Variants in RIMS2 observed in about 807,000 individuals in gnomAD.
RIMS2 encodes regulating synaptic membrane exocytosis protein 2.
RIMS2 carries 59 observed loss-of-function variants against 174.4 expected under a neutral mutation model. The ratio of observed to expected loss-of-function variants is 0.34; its 90% CI spans 0.27 to 0.42. The LOEUF is 0.42. RIMS2 is among the 10% of genes least tolerant of loss of function. The pLI is 1.00. For missense variants in RIMS2, 1,620 were observed against 1,666.3 expected (o/e 0.97, Z 0.48); for synonymous variants, 606 against 572.5 (o/e 1.06, Z -0.84).
chr8:103,604,848 T>C (rs1170605500), intron 1 of RIMS2, among the ~76,000 whole-genome samples: 1 of 85,452 alleles, frequency 1.2e-5, no homozygotes, highest in Non-Finnish European at 2.2e-5. Flanking sequence ...TACATTGATT[T>C]TGTATCCTGA....
intron 1 of RIMS2, among the ~76,000 whole-genome samples, chr8:103,623,794 A>AG (rs1287065519): frequency 0.038 from 5,551 of 147,562 alleles, 294 homozygotes; most frequent in African/African-American, 0.12. Context: ...CGGTCTCTTC[A>AG]TTTTTTTTTT....
Position 104,249,471 on chromosome 8 carries a change from TTCCTTC to T in RIMS2, c.3590-14_3590-9del. On this transcript the variant is annotated splice_polypyrimidine_tract_variant and intron_variant, in intron 21 of 23. Transcript: ENST00000504942. Reference sequence around the variant, plus strand: ...TTGTATATTAAAGCACATTTGTTCCTTCCTTCTTCCATTAGGTGACATTCAGGTAGG... The same window carrying T: ...TTGTATATTAAAGCACATTTGTTCCTTTCCATTAGGTGACATTCAGGTAGG... 1 of 1,445,496 alleles carries T rather than the reference TTCCTTC, an allele frequency of 6.9e-7. No homozygotes were observed. Among genetic ancestry groups the T allele is most frequent in the Non-Finnish European group, 9.7e-7 (1 of 1,027,758 alleles). 89.5% of individuals were successfully genotyped at this position (1,445,496 alleles called of 1,614,324 possible).
chr8:104,238,698 G>A (rs2099271846), intron 19 of RIMS2, among the ~76,000 whole-genome samples: 1 of 151,990 alleles, frequency 6.6e-6, no homozygotes, highest in Admixed American at 6.6e-5. Context: ...CTGCAATAAG[G>A]GAGTGCATAA....
intron 1 of RIMS2, among the ~76,000 whole-genome samples, chr8:103,603,204 G>A (rs1223186270): frequency 7.2e-6 from 1 of 139,826 alleles, no homozygotes; most frequent in Non-Finnish European, 1.5e-5. Flanking sequence ...GTGTCCATGT[G>A]ATCTCATTGT....
chr8:104,224,164 A>G (rs1346940857), intron 19 of RIMS2, among the ~76,000 whole-genome samples: 1 of 152,238 alleles, frequency 6.6e-6, no homozygotes, highest in Non-Finnish European at 1.5e-5. Flanking sequence ...GGACAGAAAT[A>G]CTTGAAAACT....
At chr8:103,713,346 C>T (rs6982815) in intron 2 of RIMS2, among the ~76,000 whole-genome samples, 26,760 of 151,966 alleles carry the variant, frequency 0.18, 2,566 homozygotes, top group African/African-American at 0.23. Context: ...AAGTCCTTTG[C>T]GGTAAATACA....
chr8:103,522,647 A>T (rs750356781), intron 1 of RIMS2, among the ~76,000 whole-genome samples: 1 of 151,794 alleles, frequency 6.6e-6, no homozygotes, highest in Non-Finnish European at 1.5e-5. Flanking sequence ...ATGGTTTCCA[A>T]CTCTTTATTC....
intron 19 of RIMS2, among the ~76,000 whole-genome samples, chr8:104,111,568 C>G (rs1046744467): frequency 6.6e-6 from 1 of 152,036 alleles, no homozygotes; most frequent in Admixed American, 6.6e-5. Context: ...CCACCACGTC[C>G]GGCTACTTTT....
At chr8:104,186,171 T>C (rs917467142) in intron 19 of RIMS2, among the ~76,000 whole-genome samples, 2 of 151,716 alleles carry the variant, frequency 1.3e-5, no homozygotes, top group Non-Finnish European at 2.9e-5. Flanking sequence ...CAGTTATAAA[T>C]GGGAGCTAAC....
At chr8:104,086,498 A>T (rs1184214692) in intron 19 of RIMS2, among the ~76,000 whole-genome samples, 4 of 152,032 alleles carry the variant, frequency 2.6e-5, no homozygotes, top group Non-Finnish European at 5.9e-5. Flanking sequence ...GGAGAAGCTG[A>T]TTACTAATAG....
exon 2 of RIMS2, chr8:103,697,112 A>G (rs369173081): frequency 1.1e-5 from 18 of 1,613,422 alleles, no homozygotes; most frequent in Non-Finnish European, 1.4e-5. Context: ...TTTGAAATGT[A>G]TAAAGAGCAG....
At chr8:104,107,740 C>T (rs1691606623) in intron 19 of RIMS2, among the ~76,000 whole-genome samples, 1 of 152,160 alleles carries the variant, frequency 6.6e-6, no homozygotes, top group Non-Finnish European at 1.5e-5. Flanking sequence ...TTGAGCCCAG[C>T]AGTTCAAGAC....
At chr8:104,186,335 T>C (rs1313138281) in intron 19 of RIMS2, among the ~76,000 whole-genome samples, 1 of 151,732 alleles carries the variant, frequency 6.6e-6, no homozygotes, top group Non-Finnish European at 1.5e-5. Context: ...CTATACAACC[T>C]ATGCATGTAG....
chr8:103,691,359 G>A (rs1426239891), intron 1 of RIMS2, among the ~76,000 whole-genome samples: 1 of 152,082 alleles, frequency 6.6e-6, no homozygotes, highest in African/African-American at 2.4e-5. Context: ...TTGTAGGTGT[G>A]CTTTATTGTT....
At chr8:103,869,601 G>A (rs2154512180) in intron 3 of RIMS2, among the ~76,000 whole-genome samples, 1 of 152,176 alleles carries the variant, frequency 6.6e-6, no homozygotes, top group African/African-American at 2.4e-5. Context: ...GGGATTACAG[G>A]CATGAGCCAC....
At chr8:103,817,214 C>G (rs1356475608) in intron 3 of RIMS2, among the ~76,000 whole-genome samples, 1 of 152,120 alleles carries the variant, frequency 6.6e-6, no homozygotes. Flanking sequence ...TTTAAAGTTA[C>G]TTGCGAGTTA....
At chr8:103,591,437 T>C (rs958795088) in intron 1 of RIMS2, among the ~76,000 whole-genome samples, 3 of 151,208 alleles carry the variant, frequency 2.0e-5, no homozygotes, top group Non-Finnish European at 4.5e-5. Flanking sequence ...TTATCACTTT[T>C]AAAATTCTAT....
At chr8:103,983,086 T>G (rs1221737442) in intron 16 of RIMS2, among the ~76,000 whole-genome samples, 1 of 152,194 alleles carries the variant, frequency 6.6e-6, no homozygotes, top group Non-Finnish European at 1.5e-5. Flanking sequence ...TCAGTAGCAT[T>G]TCTATATGGC....
intron 19 of RIMS2, among the ~76,000 whole-genome samples, chr8:104,222,107 C>T (rs1157008354): frequency 2.0e-5 from 3 of 152,208 alleles, no homozygotes; most frequent in Non-Finnish European, 1.5e-5. Context: ...ACCCTGACAA[C>T]TCTTTTTGAA....
Sources: allele counts gnomAD v4.1 joint callset (sites outside exome capture counted in the v4.1 genomes callset), GRCh38; gene constraint gnomAD v4.1.1; transcripts MANE v1.5; gene names NCBI Gene and HGNC (gene_info 2026-07-23, HGNC 2026-07-21).